Variants in COL9A1 observed in about 807,000 individuals in gnomAD.
COL9A1 encodes the protein collagen type IX alpha 1 chain.
A neutral mutation model predicts 142.6 loss-of-function variants in COL9A1; 104 were observed. The ratio of observed to expected loss-of-function variants is 0.73; its 90% CI spans 0.62 to 0.86. COL9A1 has a LOEUF of 0.86. COL9A1 is among the 40% of genes least tolerant of loss of function. COL9A1 has a pLI of 0.00. For synonymous variants in COL9A1, 466 were observed against 396.0 expected, an observed-to-expected ratio of 1.18 and a Z score of -2.10; for missense variants, 1,210 against 1,176.6, an observed-to-expected ratio of 1.03 and a Z score of -0.42.
intron 4 of COL9A1, 131 bp from the exon 5 acceptor site, chr6:70,294,694 G>A (rs375650070): frequency 1.5e-4 from 121 of 827,376 alleles, no homozygotes; most frequent in Middle Eastern, 3.5e-4. Context: ...CCTATGTACC[G>A]TTTGTTCTTT....
intron 36 of COL9A1, among the ~76,000 whole-genome samples, chr6:70,232,199 G>A (rs899586901): frequency 2.0e-5 from 3 of 152,112 alleles, no homozygotes; most frequent in Non-Finnish European, 2.9e-5. Flanking sequence ...CCTAAGGATG[G>A]TTGCCATGTT....
chr6:70,223,112 G>T (rs866668341), intron 37 of COL9A1, among the ~76,000 whole-genome samples: 7 of 152,142 alleles, frequency 4.6e-5, no homozygotes, highest in South Asian at 4.1e-4. Context: ...TGGGCATCAG[G>T]GGCGGTGCTG....
intron 17 of COL9A1, 91 bp downstream of exon 17, chr6:70,268,713 G>T: frequency 8.7e-7 from 1 of 1,143,532 alleles, no homozygotes; most frequent in Non-Finnish European, 1.3e-6. Context: ...ATCCAAGTGG[G>T]GTCTCTGCAC....
At chr6:70,283,028 C>G (rs1399036276) in intron 6 of COL9A1, 110 bp from the exon 7 acceptor site, 2 of 1,609,132 alleles carry the variant, frequency 1.2e-6, no homozygotes, top group East Asian at 2.2e-5. Context: ...CCCAGGGCCC[C>G]GCGGTCCCGC....
intron 4 of COL9A1, among the ~76,000 whole-genome samples, chr6:70,298,528 G>T (rs544996547): frequency 6.6e-6 from 1 of 152,060 alleles, no homozygotes; most frequent in Non-Finnish European, 1.5e-5. Flanking sequence ...TCCTTATGGG[G>T]GCAGGGAGTC....
chr6:70,300,751 G>T (rs1206719237), intron 2 of COL9A1, among the ~76,000 whole-genome samples: 1 of 152,120 alleles, frequency 6.6e-6, no homozygotes, highest in Non-Finnish European at 1.5e-5. Flanking sequence ...AAAGCTGAAT[G>T]GTGTCCTGAA....
chr6:70,242,516 A>G, intron 29 of COL9A1, 146 bp downstream of exon 29: 1 of 791,364 alleles, frequency 1.3e-6, no homozygotes, highest in Non-Finnish European at 2.2e-6. Context: ...ATAATTTGAA[A>G]TTTCCCCTTT....
At chr6:70,239,129 A>C in intron 33 of COL9A1, 125 bp downstream of exon 33, 1 of 685,854 alleles carries the variant, frequency 1.5e-6, no homozygotes. Flanking sequence ...ACAGAGTGAG[A>C]CTCCATCTCA....
At chr6:70,259,789 C>A (rs1008040449) in intron 20 of COL9A1, among the ~76,000 whole-genome samples, 5 of 152,098 alleles carry the variant, frequency 3.3e-5, no homozygotes, top group African/African-American at 1.2e-4. Context: ...AGGTCTTATT[C>A]CCCTTGGAAT....
intron 5 of COL9A1, among the ~76,000 whole-genome samples, chr6:70,285,319 G>C (rs565498317): frequency 3.9e-5 from 6 of 152,160 alleles, no homozygotes; most frequent in African/African-American, 1.4e-4. Context: ...TCACCTACAC[G>C]CTAATAATCA....
intron 19 of COL9A1, among the ~76,000 whole-genome samples, 198 bp downstream of exon 19, chr6:70,263,046 A>AT: frequency 6.6e-6 from 1 of 152,306 alleles, no homozygotes; most frequent in East Asian, 1.9e-4. Context: ...CTGTTAAAAA[A>AT]GTGCTAGAAT....
At chr6:70,289,953 A>C (rs1773595923) in intron 5 of COL9A1, among the ~76,000 whole-genome samples, 1 of 152,186 alleles carries the variant, frequency 6.6e-6, no homozygotes, top group Non-Finnish European at 1.5e-5. Context: ...CTTTTCCAAC[A>C]ACGGTTTTAC....
At chr6:70,255,789 A>G (rs2127577400) in intron 21 of COL9A1, among the ~76,000 whole-genome samples, 1 of 151,312 alleles carries the variant, frequency 6.6e-6, no homozygotes, top group East Asian at 1.9e-4. Context: ...CCCCCAGTCA[A>G]TATTAGTAAT....
downstream of COL9A1, chr6:70,215,395 T>TA (rs1376258216): frequency 6.6e-6 from 1 of 152,062 alleles, no homozygotes; most frequent in African/African-American, 2.4e-5. Flanking sequence ...AAAATATATA[T>TA]AAAAAATTAT....
intron 37 of COL9A1, among the ~76,000 whole-genome samples, chr6:70,219,530 A>G (rs1301723257): frequency 2.6e-5 from 4 of 152,240 alleles, no homozygotes; most frequent in African/African-American, 9.6e-5. Context: ...TAAAGAAACA[A>G]GCCTGGATTA....
intron 33 of COL9A1, among the ~76,000 whole-genome samples, chr6:70,235,448 G>A (rs564129864): frequency 2.0e-5 from 3 of 151,776 alleles, no homozygotes; most frequent in South Asian, 2.1e-4. Context: ...GTAAGACTCC[G>A]TCTCAAAAAT....
In COL9A1 at chr6:70,300,404, T is replaced by C. The variant is rs759215193; in HGVS notation, c.89-18A>G. On this transcript the variant is annotated intron_variant, in intron 2 of 37. Transcript: ENST00000357250. ...AGGGAATCCTGCAAAAGAGATAGCA[T>C]GTCATTCTACTTCATCCACTCTAAC... 18 of 1,479,280 alleles carry C rather than the reference T, an allele frequency of 1.2e-5. 1 individual carries two copies. The South Asian group carries it at 1.8e-4, about 15-fold the overall frequency. 91.6% of individuals were successfully genotyped at this position (1,479,280 alleles called of 1,614,324 possible).
In COL9A1 at chr6:70,300,371, G is replaced by T; in HGVS notation, c.104C>A (p.Ser35Tyr). ...GAGTTCATTTCCACCATTAGAATTG[G>T]AATTGACAGGGAATCCTGCAAAAGA... ...VKRRPRFPVN[S>Y]NSNGGNELCP... The change falls in exon 3 of 38, where the codon TCC becomes TAC. Residue 35 changes from serine to tyrosine, a missense_variant. Transcript: ENST00000357250. The T allele has an allele frequency of 6.2e-7, 1 of 1,612,524 alleles. No homozygotes were observed. Among genetic ancestry groups the T allele is most frequent in the South Asian group, 1.1e-5 (1 of 91,040 alleles).
chr6:70,241,986 A>T lies in COL9A1; in HGVS notation c.1976T>A (p.Leu659His). Residue 659 changes from leucine to histidine, a missense_variant, in exon 30 of 38, where the codon CTT (leucine) becomes CAT (histidine). Transcript: ENST00000357250. The part of the protein sequence containing the change: ...GLPGLPGPPG[L>H]PGMKGDRGVV... ...TACCCTGTCACCTTTCATTCCAGGA[A>T]GTCCAGGGGGCCCAGGCAAGCCAGG... The T allele has an allele frequency of 6.3e-7, 1 of 1,598,562 alleles. No homozygotes were observed. The highest frequency in any genetic ancestry group is 8.5e-7 in the Non-Finnish European group (1 of 1,171,364).
Sources: allele counts gnomAD v4.1 joint callset (sites outside exome capture counted in the v4.1 genomes callset), GRCh38; gene constraint gnomAD v4.1.1; transcripts MANE v1.5; gene names NCBI Gene and HGNC (gene_info 2026-07-23, HGNC 2026-07-21).